Variants in NAV2 observed in about 807,000 individuals in gnomAD.
NAV2 encodes the protein neuron navigator 2.
Under a neutral mutation model 223.2 loss-of-function variants are expected in NAV2, and 54 were observed. The ratio of observed to expected loss-of-function variants is 0.24; its 90% confidence interval spans 0.19 to 0.30. The LOEUF is 0.30. Ranked by LOEUF, NAV2 falls within the 10% of genes least tolerant of loss-of-function variation. The pLI is 1.00. For missense variants in NAV2, 2,806 were observed against 3,147.5 expected (o/e 0.89, Z 2.60); for synonymous variants, 1,279 against 1,239.3 (o/e 1.03, Z -0.67).
chr11:19,821,544 G>A (rs1395170764), intron 1 of NAV2, among the ~76,000 whole-genome samples: 1 of 152,196 alleles, frequency 6.6e-6, no homozygotes, highest in East Asian at 1.9e-4. Flanking sequence ...TGCTGCATGG[G>A]GTCCCAGATC....
At chr11:19,834,626 A>G (rs1441136620) in intron 2 of NAV2, among the ~76,000 whole-genome samples, 1 of 151,886 alleles carries the variant, frequency 6.6e-6, no homozygotes, top group Non-Finnish European at 1.5e-5. Context: ...TGAAGCCCAC[A>G]TCAGCAGAAT....
intron 11 of NAV2, among the ~76,000 whole-genome samples, chr11:20,034,434 C>T (rs1488493418): frequency 6.7e-6 from 1 of 149,370 alleles, no homozygotes; most frequent in African/African-American, 2.5e-5. Flanking sequence ...GGCTGGAGTG[C>T]AGTGGTGTGA....
chr11:20,041,679 G>A (rs1241449172), intron 12 of NAV2, among the ~76,000 whole-genome samples: 3 of 152,324 alleles, frequency 2.0e-5, no homozygotes, highest in South Asian at 2.1e-4. Context: ...TTCCTAGTGC[G>A]AATAAGCTTT....
intron 1 of NAV2, among the ~76,000 whole-genome samples, chr11:19,528,082 T>C (rs1463371634): frequency 6.6e-6 from 1 of 152,174 alleles, no homozygotes; most frequent in Non-Finnish European, 1.5e-5. Context: ...TGCTGTGTGG[T>C]ACATGGCAGG....
intron 2 of NAV2, among the ~76,000 whole-genome samples, chr11:19,832,904 T>C (rs2060023336): frequency 6.6e-6 from 1 of 152,162 alleles, no homozygotes; most frequent in Admixed American, 6.5e-5. Context: ...TTGCCTCCCA[T>C]TATCTTTCTG....
At chr11:19,753,073 C>A (rs2053960550) in intron 1 of NAV2, among the ~76,000 whole-genome samples, 1 of 152,196 alleles carries the variant, frequency 6.6e-6, no homozygotes, top group South Asian at 2.1e-4. Context: ...AGGAGGAACA[C>A]CGTTACCAAG....
At position 19,490,612 on chromosome 11, in the gene NAV2, G is replaced by T. The variant is rs191234579; in HGVS notation, c.75+139585G>T. Among the ~76,000 whole-genome samples the T allele has an allele frequency of 1.3e-3, 202 of 152,258 alleles. 1 individual carries two copies. Among genetic ancestry groups the T allele is most frequent in the Middle Eastern group, 3.4e-3 (1 of 294 alleles). ...ATCCACTTCTAATTCTAGTTCTCTT[G>T]CTATTTACACCACATCTATAGTTAC... On this transcript the variant is annotated intron_variant, in intron 1 of 37. Coordinates refer to the NAV2 transcript ENST00000360655.
intron 1 of NAV2, among the ~76,000 whole-genome samples, chr11:19,705,681 T>TA (rs539116096): frequency 5.3e-5 from 8 of 149,652 alleles, no homozygotes; most frequent in South Asian, 2.1e-4. Context: ...CTTATCTCTT[T>TA]AAAAAAAAAA....
At chr11:19,408,394 A>G (rs1334854203) in intron 1 of NAV2, among the ~76,000 whole-genome samples, 1 of 152,164 alleles carries the variant, frequency 6.6e-6, no homozygotes, top group Admixed American at 6.5e-5. Flanking sequence ...CATCTGAGTA[A>G]TTGTGTGCAG....
At chr11:19,563,281 C>A (rs996010432) in intron 1 of NAV2, among the ~76,000 whole-genome samples, 1 of 152,222 alleles carries the variant, frequency 6.6e-6, no homozygotes, top group African/African-American at 2.4e-5. Flanking sequence ...CCATCACTTC[C>A]CCAGTCTCTC....
chr11:19,527,441 C>G (rs1392698836), intron 1 of NAV2, among the ~76,000 whole-genome samples: 1 of 151,910 alleles, frequency 6.6e-6, no homozygotes, highest in African/African-American at 2.4e-5. Context: ...ATTGCTCTTT[C>G]TCTCTCTCCA....
intron 1 of NAV2, among the ~76,000 whole-genome samples, chr11:19,403,800 G>A (rs925004469): frequency 1.3e-5 from 2 of 151,536 alleles, no homozygotes; most frequent in Non-Finnish European, 3.0e-5. Flanking sequence ...AAATAAAACA[G>A]AGGAAGGGAT....
At chr11:19,826,956 G>A in intron 1 of NAV2, among the ~76,000 whole-genome samples, 1 of 152,202 alleles carries the variant, frequency 6.6e-6, no homozygotes, top group East Asian at 1.9e-4. Context: ...AGATGGGTGA[G>A]TGGGAGTGGA....
chr11:19,424,444 T>C (rs1030046383), intron 1 of NAV2, among the ~76,000 whole-genome samples: 1 of 152,232 alleles, frequency 6.6e-6, no homozygotes, highest in African/African-American at 2.4e-5. Context: ...CATCAAAGAT[T>C]TGACTGTCGA....
chr11:19,994,660 G>A (rs1170000850), intron 11 of NAV2, among the ~76,000 whole-genome samples: 1 of 152,106 alleles, frequency 6.6e-6, no homozygotes, highest in East Asian at 1.9e-4. Flanking sequence ...AGGCACTTAC[G>A]GTGGCCTATG....
intron 1 of NAV2, among the ~76,000 whole-genome samples, chr11:19,436,768 T>C (rs1239275562): frequency 1.4e-5 from 2 of 144,234 alleles, no homozygotes. Flanking sequence ...CTTCAATTTT[T>C]TATCAATATT....
chr11:19,599,756 G>T (rs2046304447), intron 1 of NAV2, among the ~76,000 whole-genome samples: 1 of 152,218 alleles, frequency 6.6e-6, no homozygotes, highest in Non-Finnish European at 1.5e-5. Context: ...CAGGTGAAAT[G>T]TGGGTGAAGG....
chr11:19,356,079 T>C (rs1853598012), intron 1 of NAV2, among the ~76,000 whole-genome samples: 1 of 152,230 alleles, frequency 6.6e-6, no homozygotes, highest in African/African-American at 2.4e-5. Flanking sequence ...CTGATCTGCC[T>C]TCTGACAGGT....
chr11:19,717,490 G>A (rs541885691), intron 1 of NAV2, among the ~76,000 whole-genome samples: 1 of 152,366 alleles, frequency 6.6e-6, no homozygotes, highest in African/African-American at 2.4e-5. Flanking sequence ...GGGGAGGAGA[G>A]GAAGTCAGAA....
Sources: allele counts gnomAD v4.1 joint callset (sites outside exome capture counted in the v4.1 genomes callset), GRCh38; gene constraint gnomAD v4.1.1; transcripts MANE v1.5; gene names NCBI Gene and HGNC (gene_info 2026-07-23, HGNC 2026-07-21).